Variants in BTG3 observed in about 807,000 individuals in gnomAD.
BTG3 encodes the protein protein BTG3.
In BTG3, 4 loss-of-function variants were observed where a neutral mutation model predicts 25.8. That is an observed-to-expected ratio of 0.16 (90% CI 0.08 to 0.36). The LOEUF (loss-of-function observed/expected upper bound fraction) is 0.36, where lower values mean the gene tolerates loss of function less well. Among genes scored for constraint, BTG3 ranks in the 10% least tolerant of loss-of-function variants. The probability of loss-of-function intolerance (pLI) is 1.00; values close to 1 mark genes in which losing one functional copy is unlikely to be tolerated. For missense variants in BTG3, 201 were observed against 304.9 expected (o/e 0.66, Z 2.54); for synonymous variants, 107 against 99.9 (o/e 1.07, Z -0.42).
chr21:17,607,285 GC>G (rs1214985083), intron 2 of BTG3, among the ~76,000 whole-genome samples: 1 of 151,956 alleles, frequency 6.6e-6, no homozygotes, highest in Non-Finnish European at 1.5e-5. Context: ...TGGTGGCTTG[GC>G]ACTTCCAAAA....
chr21:17,599,527 AGTGCAATGG>A (rs1175289967), intron 3 of BTG3, among the ~76,000 whole-genome samples: 6 of 137,928 alleles, frequency 4.4e-5, no homozygotes, highest in Non-Finnish European at 9.1e-5. Context: ...CCCAGGCTGG[AGTGCAATGG>A]GTGCAATCTC....
At chr21:17,609,197 A>G in intron 1 of BTG3, 45 bp from the exon 2 acceptor site, 1 of 1,568,756 alleles carries the variant, frequency 6.4e-7, no homozygotes, top group Non-Finnish European at 8.6e-7. Flanking sequence ...AAATATAAAA[A>G]CTGGGAAGAT....
intron 1 of BTG3, chr21:17,611,897 T>C (rs911040753): frequency 6.6e-6 from 1 of 152,236 alleles, no homozygotes; most frequent in African/African-American, 2.4e-5. Context: ...GGAACACATT[T>C]TTCTCCTGAT....
intron 3 of BTG3, chr21:17,604,173 G>C (rs761166221): frequency 7.9e-7 from 1 of 1,273,396 alleles, no homozygotes; most frequent in Non-Finnish European, 1.0e-6. Flanking sequence ...GCCGGGCGCA[G>C]TGGCTCACGC....
At chr21:17,594,419 AC>A in intron 4 of BTG3, 87 bp from the exon 5 acceptor site, 1 of 1,438,622 alleles carries the variant, frequency 7.0e-7, no homozygotes, top group Non-Finnish European at 9.4e-7. Context: ...AAACAAAGTT[AC>A]CCACAACACT....
chr21:17,611,121 T>G (rs1227635874), intron 1 of BTG3, among the ~76,000 whole-genome samples: 1 of 152,214 alleles, frequency 6.6e-6, no homozygotes, highest in Non-Finnish European at 1.5e-5. Flanking sequence ...TGCAGCCTCC[T>G]CCTGAAAAAT....
At chr21:17,604,416 G>C in intron 3 of BTG3, 1 of 183,842 alleles carries the variant, frequency 5.4e-6, no homozygotes, top group Admixed American at 5.7e-5. Flanking sequence ...TTGCGCTCCA[G>C]CCTGGGCAAC....
Position 17,594,255 on chromosome 21 carries a change from A to G in BTG3, c.597T>C (p.Asn199=). ...GAGGAGGATAGTGATTCTGATGGCC[A>G]TTCCCTCGATACATTCCTGGCTTTT... The part of the protein sequence containing the change: ...PRKKPGMYRG[N]GHQNHYPPPV... The change falls in exon 5 of 5, where the codon AAT becomes AAC. Residue 199 remains asparagine, a synonymous_variant. Transcript: ENST00000348354. 1 of 1,613,336 alleles carries G rather than the reference A, an allele frequency of 6.2e-7. No homozygotes were observed. Among genetic ancestry groups the G allele is most frequent in the Non-Finnish European group, 8.5e-7 (1 of 1,179,438 alleles).
At chr21:17,599,474 G>A (rs2061544715) in intron 3 of BTG3, among the ~76,000 whole-genome samples, 1 of 110,822 alleles carries the variant, frequency 9.0e-6, no homozygotes, top group Non-Finnish European at 1.7e-5. Context: ...GCCACTGGCT[G>A]ATTTTTTTTT....
At chr21:17,597,092 G>A (rs1484328615) in intron 4 of BTG3, among the ~76,000 whole-genome samples, 2 of 152,022 alleles carry the variant, frequency 1.3e-5, no homozygotes, top group Admixed American at 1.3e-4. Context: ...TGAGTATTAG[G>A]CCAAGGAGAA....
chr21:17,610,678 TA>T (rs1015486332), intron 1 of BTG3, among the ~76,000 whole-genome samples: 1 of 152,226 alleles, frequency 6.6e-6, no homozygotes, highest in Non-Finnish European at 1.5e-5. Flanking sequence ...CTGGAGTTAT[TA>T]AGATGCTGCC....
At chr21:17,612,005 T>C (rs2061733311) in intron 1 of BTG3, 1 of 151,904 alleles carries the variant, frequency 6.6e-6, no homozygotes. Flanking sequence ...AGAGGGGAAA[T>C]AATTTTCCAA....
chr21:17,611,616 A>C (rs572584864), intron 1 of BTG3: 3 of 152,448 alleles, frequency 2.0e-5, no homozygotes, highest in South Asian at 2.1e-4. Flanking sequence ...AGGGCCAAGA[A>C]GACCTCAGGC....
chr21:17,601,109 G>A (rs1465817589), intron 3 of BTG3, among the ~76,000 whole-genome samples: 1 of 151,870 alleles, frequency 6.6e-6, no homozygotes, highest in Non-Finnish European at 1.5e-5. Context: ...GTTGCAGTGA[G>A]CTGAGATCGC....
chr21:17,606,456 G>C (rs913693804), intron 2 of BTG3, among the ~76,000 whole-genome samples: 1 of 152,002 alleles, frequency 6.6e-6, no homozygotes, highest in African/African-American at 2.4e-5. Context: ...TTAAAAACAT[G>C]GTCTTATGCT....
chr21:17,596,490 G>A lies in BTG3; in HGVS notation c.519+2127C>T, dbSNP rs116666516. On this transcript the variant is annotated intron_variant, in intron 4 of 4. Transcript: ENST00000348354. ...GTATGGTGTCAGCTAAGTTAGGTTC[G>A]TTTTTTTTCCTACACAGATCATCCA... 2.8e-3 allele frequency among the ~76,000 whole-genome samples: 425 copies of A among 151,698 alleles called. 3 individuals carry two copies. Among genetic ancestry groups the A allele is most frequent in the African/African-American group, 9.9e-3 (409 of 41,398 alleles).
chr21:17,594,108 CAT>C lies in BTG3; in HGVS notation c.742_743del (p.Met248ValfsTer16), dbSNP rs1331224975. ...AAAAACGAAGTTAGTGAGGTGCTAA[CAT>C]GTGAGGATTAATCCAGTGATTCCGG... ...CDRNHWINPH[M>X]LAPH On this transcript the variant is annotated frameshift_variant, in exon 5 of 5. Transcript: ENST00000348354. LOFTEE classifies it high-confidence loss of function. 1.1e-5 allele frequency: 17 copies of C among 1,612,848 alleles called. No homozygotes were observed. The highest frequency in any genetic ancestry group is 2.2e-5 in the South Asian group (2 of 91,004).
At position 17,612,786 on chromosome 21, in the gene BTG3, C is replaced by G. The variant is rs1361765330; in HGVS notation, c.-96G>C. 6.6e-6 allele frequency: 1 copy of G among 152,236 alleles called. No individual in the cohort carries two copies. The highest frequency in any genetic ancestry group is 1.5e-5 in the Non-Finnish European group (1 of 68,082). The allele number at this position is 152,236 out of a possible 1,614,324, so 9.4% of individuals were successfully genotyped here. On this transcript the variant is annotated 5_prime_UTR_variant, in exon 1 of 5. Coordinates refer to ENST00000348354, the MANE Select transcript of BTG3 (RefSeq NM_006806.5). ...AACTGAGGGCTCCGCCTCAACGGGC[C>G]CGCGCTGGGCAACAGGGAGCGCAGC...
chr21:17,602,088 T>C (rs1269020294), intron 3 of BTG3, among the ~76,000 whole-genome samples: 1 of 152,102 alleles, frequency 6.6e-6, no homozygotes, highest in Non-Finnish European at 1.5e-5. Flanking sequence ...TCAAGGCTAA[T>C]TTAGTTATTT....
Sources: gnomAD v4.1 joint callset for allele counts (sites outside exome capture counted in the v4.1 genomes callset) on GRCh38, gnomAD v4.1.1 for gene constraint, MANE v1.5 for transcripts, NCBI Gene and HGNC (gene_info 2026-07-23, HGNC 2026-07-21) for gene names.